CENPS: variants seen among roughly 807,000 people sequenced by gnomAD.
CENPS encodes the protein centromere protein S.
In CENPS, 16 loss-of-function variants were observed where a neutral mutation model predicts 17.9. The observed-to-expected ratio is 0.90, with a 90% CI of 0.61 to 1.36. The LOEUF is 1.36. Ranked by LOEUF, CENPS falls within the 40% of genes most tolerant of loss-of-function variation. The pLI is 0.00. For missense variants in CENPS, 160 were observed against 158.6 expected (o/e 1.01, Z -0.05); for synonymous variants, 49 against 55.8 (o/e 0.88, Z 0.54).
intron 1 of CENPS, among the ~76,000 whole-genome samples, chr1:10,433,253 A>G (rs1362733367): frequency 6.6e-6 from 1 of 152,088 alleles, no homozygotes; most frequent in East Asian, 1.9e-4. Context: ...TTCAGTATTG[A>G]AAAGGTTTGC....
At chr1:10,436,461 GGAGGCTGAGGCGGGTGGATCACCTGA>G (rs1386374030) in intron 3 of CENPS, among the ~76,000 whole-genome samples, 17 of 151,042 alleles carry the variant, frequency 1.1e-4, no homozygotes, top group African/African-American at 2.4e-5. Flanking sequence ...TAGCACTTTG[GGAGGCTGAGGCGGGTGGATCACCTGA>G]GCTCAGGAGT....
intron 3 of CENPS, among the ~76,000 whole-genome samples, chr1:10,436,422 C>T (rs1640160866): frequency 6.6e-6 from 1 of 151,332 alleles, no homozygotes; most frequent in Non-Finnish European, 1.5e-5. Flanking sequence ...TTTGTGGAGG[C>T]CGGGCGCCGT....
At chr1:10,433,493 A>G (rs1343539335) in intron 1 of CENPS, among the ~76,000 whole-genome samples, 3 of 152,204 alleles carry the variant, frequency 2.0e-5, no homozygotes, top group Admixed American at 1.3e-4. Flanking sequence ...AACACCTAGC[A>G]TATGCCCTTA....
chr1:10,442,214 G>A, intron 4 of CENPS, 51 bp from the exon 5 acceptor site: 1 of 1,533,502 alleles, frequency 6.5e-7, no homozygotes. Context: ...TGTTTATTTA[G>A]GTTTATAAAA....
intron 3 of CENPS, among the ~76,000 whole-genome samples, chr1:10,439,740 C>CAA (rs796807486): frequency 7.1e-6 from 1 of 141,076 alleles, no homozygotes; most frequent in South Asian, 2.2e-4. Context: ...GACTCTGTCT[C>CAA]AAAAAAAAAA....
In CENPS at chr1:10,430,445, G is replaced by A. The variant is rs1045392202; in HGVS notation, c.-73G>A. ...CGGCCCGTCGCTCGCGCCGCGGCGG[G>A]AAAATCCGACCTGGCCGCGCACCAC... On this transcript the variant is annotated 5_prime_UTR_variant, in exon 1 of 5. Transcript: ENST00000309048. The A allele has an allele frequency of 6.6e-7, 1 of 1,519,382 alleles. No individual in the cohort carries two copies. The highest frequency in any genetic ancestry group is 1.4e-5 in the African/African-American group (1 of 69,076). 94.1% of individuals were successfully genotyped at this position (1,519,382 alleles called of 1,614,324 possible).
chr1:10,431,466 C>T, intron 1 of CENPS: 1 of 1,496,298 alleles, frequency 6.7e-7, no homozygotes. Context: ...TCTGTTTGCT[C>T]CCATGCTTCC....
intron 3 of CENPS, among the ~76,000 whole-genome samples, chr1:10,436,298 C>T (rs1178306809): frequency 6.7e-6 from 1 of 150,340 alleles, no homozygotes; most frequent in Non-Finnish European, 1.5e-5. Context: ...TTTTCTTTTG[C>T]TGGGTACTGG....
intron 1 of CENPS, among the ~76,000 whole-genome samples, chr1:10,433,267 G>A (rs939880276): frequency 6.6e-6 from 1 of 152,194 alleles, no homozygotes; most frequent in African/African-American, 2.4e-5. Context: ...GGTTTGCCAA[G>A]GAGCAGTGAG....
intron 2 of CENPS, among the ~76,000 whole-genome samples, chr1:10,434,278 C>T (rs906918815): frequency 1.3e-5 from 2 of 152,120 alleles, no homozygotes; most frequent in African/African-American, 2.4e-5. Context: ...TTTTATATCA[C>T]CCATAGTTTC....
intron 3 of CENPS, among the ~76,000 whole-genome samples, chr1:10,435,702 AATATATATAT>A (rs71571900): frequency 7.9e-4 from 114 of 144,998 alleles, no homozygotes; most frequent in Admixed American, 1.1e-3. Context: ...ACTTAAAAAT[AATATATATAT>A]ATATACACAC....
chr1:10,440,725 G>T (rs192256652), intron 4 of CENPS, among the ~76,000 whole-genome samples: 89 of 152,312 alleles, frequency 5.8e-4, no homozygotes, highest in African/African-American at 2.1e-3. Flanking sequence ...CAATCTGCAG[G>T]GATAGTTTTG....
chr1:10,432,224 A>C (rs1448027419), intron 1 of CENPS, among the ~76,000 whole-genome samples: 1 of 152,032 alleles, frequency 6.6e-6, no homozygotes, highest in African/African-American at 2.4e-5. Flanking sequence ...AGCAGCTGGG[A>C]TTACAGGCCC....
chr1:10,434,081 C>G, intron 2 of CENPS, 116 bp downstream of exon 2: 1 of 1,530,074 alleles, frequency 6.5e-7, no homozygotes, highest in Non-Finnish European at 8.8e-7. Context: ...AGAATATTAT[C>G]ATCCTCATGC....
intron 1 of CENPS, 180 bp downstream of exon 1, chr1:10,430,748 A>G (rs1570013197): frequency 7.1e-6 from 10 of 1,402,202 alleles, no homozygotes; most frequent in Non-Finnish European, 9.3e-6. Context: ...TTCCGCGGCA[A>G]CGCGGCTGGA....
At chr1:10,430,614 G>T in intron 1 of CENPS, 46 bp downstream of exon 1, 1 of 1,523,984 alleles carries the variant, frequency 6.6e-7, no homozygotes, top group African/African-American at 1.4e-5. Flanking sequence ...GGACGGCGTC[G>T]AGTTTCTGGA....
rs1454660737 is a variant in CENPS at position 10,430,471 on chromosome 1, C to CA, written c.-47_-46insA. On this transcript the variant is annotated 5_prime_UTR_variant, in exon 1 of 5. Coordinates refer to ENST00000309048, the MANE Select transcript of CENPS (RefSeq NM_199294.3). ...AAAATCCGACCTGGCCGCGCACCAC[C>CA]GCCCCTTCTCGGCCCTCCTGCGTTT... 6.5e-7 allele frequency: 1 copy of CA among 1,530,064 alleles called. No homozygotes were observed. Among genetic ancestry groups the CA allele is most frequent in the East Asian group, 2.6e-5 (1 of 38,030 alleles). 94.8% of individuals were successfully genotyped at this position (1,530,064 alleles called of 1,614,324 possible). A position where few individuals can be genotyped will look rare whatever the true frequency, so the allele number is the denominator to read the frequency against.
intron 1 of CENPS, chr1:10,431,050 G>T: frequency 7.4e-6 from 10 of 1,354,502 alleles, no homozygotes; most frequent in Non-Finnish European, 9.5e-6. Context: ...CTTAGATGTG[G>T]GTTCGAATCT....
In CENPS at chr1:10,430,792, C is replaced by G. The variant is rs1043538131; in HGVS notation, c.51+224C>G. ...TGCGCTGGCTGGGGAGGAAGCGGTT[C>G]TAGGGGAGCGTGCGGGCGCCGGGGT... On this transcript the variant is annotated intron_variant, in intron 1 of 4. Transcript: ENST00000309048. The G allele has an allele frequency of 1.4e-5, 19 of 1,367,420 alleles. No individual in the cohort carries two copies. The African/African-American group carries it at 2.0e-4, about 14-fold the overall frequency. The allele number at this position is 1,367,420 out of a possible 1,614,324, so 84.7% of individuals were successfully genotyped here.
Sources: allele counts gnomAD v4.1 joint callset (sites outside exome capture counted in the v4.1 genomes callset), GRCh38; gene constraint gnomAD v4.1.1; transcripts MANE v1.5; gene names NCBI Gene and HGNC (gene_info 2026-07-23, HGNC 2026-07-21).